Variants in PRSS50 observed in about 807,000 individuals in gnomAD.
PRSS50 encodes probable threonine protease PRSS50.
Under a neutral mutation model 34.2 loss-of-function variants are expected in PRSS50, and 23 were observed. The ratio of observed to expected loss-of-function variants is 0.67; its 90% CI spans 0.48 to 0.95. PRSS50 has a LOEUF of 0.95. PRSS50 is among the 40% of genes least tolerant of loss of function. PRSS50 has a pLI of 0.00. For synonymous variants in PRSS50, 224 were observed against 211.2 expected (o/e 1.06, Z -0.53); for missense variants, 484 against 513.4 (o/e 0.94, Z 0.55).
rs1700663455 is a variant in PRSS50 at position 46,715,190 on chromosome 3, A to G, written c.470+345T>C. ...AAGAAGTGTCAGAGACGGTTGATTG[A>G]AGGGAGGAACAAGGATGTGGGTGCA... is the stretch of plus-strand genomic sequence containing the variant. On this transcript the variant is annotated intron_variant, in intron 3 of 5. Transcript: ENST00000315170. The surrounding 1 kb of genome is among the most constrained non-coding windows in gnomAD (Gnocchi z 5.2). Among the ~76,000 whole-genome samples the G allele has an allele frequency of 6.6e-6, 1 of 152,198 alleles. No homozygotes were observed. The highest frequency in any genetic ancestry group is 1.5e-5 in the Non-Finnish European group (1 of 68,026).
At position 46,716,958 on chromosome 3, in the gene PRSS50, A is replaced by G. The variant is rs1700691974; in HGVS notation, c.307+479T>C. 6.6e-6 allele frequency among the ~76,000 whole-genome samples: 1 copy of G among 152,192 alleles called. No individual in the cohort carries two copies. Among genetic ancestry groups the G allele is most frequent in the South Asian group, 2.1e-4 (1 of 4,828 alleles). On this transcript the variant is annotated intron_variant, in intron 2 of 5. Transcript: ENST00000315170. This position sits in a 1 kb window ranked among gnomAD's most constrained non-coding sequence, Gnocchi z 4.4. ...TCCCAGTCTTATGTGGGTCTGTTAA[A>G]CATGCCTGAAAGCCACTGGGCAAGA... is the stretch of plus-strand genomic sequence containing the variant.
chr3:46,712,188 C>T lies in PRSS50; in HGVS notation c.*58G>A, dbSNP rs890700318. 7 of 1,440,754 alleles carry T rather than the reference C, an allele frequency of 4.9e-6. No homozygotes were observed. The African/African-American group carries it at 8.4e-5, about 17-fold the overall frequency. 89.2% of individuals were successfully genotyped at this position (1,440,754 alleles called of 1,614,324 possible). On this transcript the variant is annotated 3_prime_UTR_variant, in exon 6 of 6. Transcript: ENST00000315170. ...CTCTCAGGGCTGTGACAGCTGCACC[C>T]ACAGCAACCTGGGCACGGAGGCAAG...
chr3:46,716,988 G>A lies in PRSS50; in HGVS notation c.307+449C>T, dbSNP rs924597201. ...CCTGAAAGCCACTGGGCAAGAGAAC[G>A]TCTTACGTGTGCACCCTGGAGACAC... On this transcript the variant is annotated intron_variant, in intron 2 of 5. Coordinates refer to ENST00000315170, the MANE Select transcript of PRSS50 (RefSeq NM_013270.5). This position sits in a 1 kb window ranked among gnomAD's most constrained non-coding sequence, Gnocchi z 4.4. Among the ~76,000 whole-genome samples, 1 of 152,236 alleles carries A rather than the reference G, an allele frequency of 6.6e-6. No homozygotes were observed. Among genetic ancestry groups the A allele is most frequent in the Admixed American group, 6.5e-5 (1 of 15,288 alleles).
At position 46,714,475 on chromosome 3, in the gene PRSS50, A is replaced by C. The variant is rs765957342; in HGVS notation, c.497T>G (p.Val166Gly). The change falls in exon 4 of 6, where the codon GTG (valine) becomes GGG (glycine). Residue 166 changes from valine to glycine, a missense_variant. By Grantham distance (109) the Val-to-Gly change is moderately radical. Coordinates refer to ENST00000315170, the MANE Select transcript of PRSS50 (RefSeq NM_013270.5). ...CATCTGGTCAATCCACGGACTCCCCACCCTCACTGAGTAGATAACATCACG... is the reference window on the plus strand; with the variant it reads ...CATCTGGTCAATCCACGGACTCCCCCCCCTCACTGAGTAGATAACATCACG... ...IWRDVIYSVR[V>G]GSPWIDQMTQ... 8 of 1,602,206 alleles carry C rather than the reference A, an allele frequency of 5.0e-6. No homozygotes were observed. Among genetic ancestry groups the C allele is most frequent in the Non-Finnish European group, 6.0e-6 (7 of 1,175,678 alleles).
At position 46,716,916 on chromosome 3, in the gene PRSS50, A is replaced by G. The variant is rs898223651; in HGVS notation, c.307+521T>C. 6.6e-6 allele frequency among the ~76,000 whole-genome samples: 1 copy of G among 152,222 alleles called. No individual in the cohort carries two copies. Among genetic ancestry groups the G allele is most frequent in the Non-Finnish European group, 1.5e-5 (1 of 68,032 alleles). The stretch of plus-strand genomic sequence containing the variant: ...GTTTGGGTGACTTTCTGTGGCAGTT[A>G]AATGCTATGTGCTGAGTCCCAGTCT... On this transcript the variant is annotated intron_variant, in intron 2 of 5. Coordinates refer to ENST00000315170, the MANE Select transcript of PRSS50 (RefSeq NM_013270.5). The surrounding 1 kb of genome is among the most constrained non-coding windows in gnomAD (Gnocchi z 4.4).
At position 46,715,058 on chromosome 3, in the gene PRSS50, C is replaced by T. The variant is rs1253162727; in HGVS notation, c.470+477G>A. The stretch of plus-strand genomic sequence containing the variant: ...ACTCCCTCTTTTGTCCCCACACCAA[C>T]CAGGCACCCTTGTGAGCATCTATCT... On this transcript the variant is annotated intron_variant, in intron 3 of 5. Transcript: ENST00000315170. This position sits in a 1 kb window ranked among gnomAD's most constrained non-coding sequence, Gnocchi z 5.2. Among the ~76,000 whole-genome samples the T allele has an allele frequency of 6.6e-6, 1 of 152,250 alleles. No homozygotes were observed.
chr3:46,715,510 C>A lies in PRSS50; in HGVS notation c.470+25G>T, dbSNP rs781744794. ...ACAGCAGCTCCAAATACCTCTCCACCCACCCCACCTCAGCCTTGACTCACC... is the reference window on the plus strand; with the variant it reads ...ACAGCAGCTCCAAATACCTCTCCACACACCCCACCTCAGCCTTGACTCACC... On this transcript the variant is annotated intron_variant, in intron 3 of 5. Coordinates refer to ENST00000315170, the MANE Select transcript of PRSS50 (RefSeq NM_013270.5). This position sits in a 1 kb window ranked among gnomAD's most constrained non-coding sequence, Gnocchi z 5.2. 19 of 1,597,908 alleles carry A rather than the reference C, an allele frequency of 1.2e-5. No homozygotes were observed. The highest frequency in any genetic ancestry group is 1.5e-5 in the Non-Finnish European group (18 of 1,167,012).
In PRSS50 at chr3:46,715,459, C is replaced by A; in HGVS notation, c.470+76G>T. On this transcript the variant is annotated intron_variant, in intron 3 of 5. Transcript: ENST00000315170. The surrounding 1 kb of genome is among the most constrained non-coding windows in gnomAD (Gnocchi z 5.2). ...GGCTGGGACTGTGGGCCCAGAACAG[C>A]TGGCAGGGAGGGGATGACTGGGCCC... 6.5e-7 allele frequency: 1 copy of A among 1,547,666 alleles called. No individual in the cohort carries two copies. Among genetic ancestry groups the A allele is most frequent in the East Asian group, 2.3e-5 (1 of 43,744 alleles).
chr3:46,712,533 A>T (rs1312414857), intron 5 of PRSS50, 51 bp from the exon 6 acceptor site: 1 of 1,553,718 alleles, frequency 6.4e-7, no homozygotes, highest in Admixed American at 1.7e-5. Context: ...GCAAGGCCAG[A>T]GACGACCCAG....
Position 46,717,431 on chromosome 3 carries a change from A to C in PRSS50, c.307+6T>G. On this transcript the variant is annotated splice_donor_region_variant and intron_variant, in intron 2 of 5. Transcript: ENST00000315170. This position sits in a 1 kb window ranked among gnomAD's most constrained non-coding sequence, Gnocchi z 4.5. ...GCCCCACGGAGTCTACACCCCTGGT[A>C]CTCACAGCGGTATGGGTCGACTTTG... The C allele has an allele frequency of 1.2e-6, 2 of 1,613,600 alleles. No homozygotes were observed. The highest frequency in any genetic ancestry group is 1.7e-6 in the Non-Finnish European group (2 of 1,179,862).
chr3:46,712,831 C>T (rs934392648), intron 5 of PRSS50, 70 bp downstream of exon 5: 44 of 1,550,146 alleles, frequency 2.8e-5, no homozygotes, highest in South Asian at 3.5e-5. Context: ...TCCACCGTTC[C>T]GCTCTCCCTC....
In PRSS50 at chr3:46,717,568, C is replaced by T. The variant is rs1267394410; in HGVS notation, c.176G>A (p.Cys59Tyr). ...TADPADQSVQ[C>Y]VPKATCPSSR... is the part of the protein sequence containing the mutation. The stretch of plus-strand genomic sequence containing the variant: ...GGAAGGACAGGTGGCCTTGGGGACA[C>T]ACTGGACGCTCTGGTCGGCGGGATC... The change falls in exon 2 of 6, where the codon TGT becomes TAT. Residue 59 changes from cysteine to tyrosine, a missense_variant. Coordinates refer to ENST00000315170, the MANE Select transcript of PRSS50 (RefSeq NM_013270.5). This position sits in a 1 kb window ranked among gnomAD's most constrained non-coding sequence, Gnocchi z 4.5. 6.2e-7 allele frequency: 1 copy of T among 1,613,774 alleles called. No homozygotes were observed. The highest frequency in any genetic ancestry group is 1.7e-5 in the Admixed American group (1 of 60,028).
At position 46,715,812 on chromosome 3, in the gene PRSS50, CT is replaced by C; in HGVS notation, c.308-116del. On this transcript the variant is annotated intron_variant, in intron 2 of 5. Coordinates refer to ENST00000315170, the MANE Select transcript of PRSS50 (RefSeq NM_013270.5). This position sits in a 1 kb window ranked among gnomAD's most constrained non-coding sequence, Gnocchi z 5.2. ...GCCTGCACCCATCCAGGGGTGCTCC[CT>C]TTTCACCTGTCACCATGGAATGATG... 2 of 1,136,020 alleles carry C rather than the reference CT, an allele frequency of 1.8e-6. No individual in the cohort carries two copies. The highest frequency in any genetic ancestry group is 2.5e-6 in the Non-Finnish European group (2 of 808,450). 70.4% of individuals were successfully genotyped at this position (1,136,020 alleles called of 1,614,324 possible). A position where few individuals can be genotyped will look rare whatever the true frequency, so the allele number is the denominator to read the frequency against.
rs143911001 is a variant in PRSS50 at position 46,717,585 on chromosome 3, G to T, written c.159C>A (p.Ala53=). 6.2e-7 allele frequency: 1 copy of T among 1,613,572 alleles called. No individual in the cohort carries two copies. Among genetic ancestry groups the T allele is most frequent in the Non-Finnish European group, 8.5e-7 (1 of 1,179,902 alleles). The part of the protein sequence containing the change: ...APGALSTADP[A]DQSVQCVPKA... ...TGGGGACACACTGGACGCTCTGGTCGGCGGGATCAGCAGTGGACAGCGCCC... is the reference window on the plus strand; with the variant it reads ...TGGGGACACACTGGACGCTCTGGTCTGCGGGATCAGCAGTGGACAGCGCCC... Residue 53 remains alanine, a synonymous_variant, in exon 2 of 6, where the codon GCC becomes GCA. Transcript: ENST00000315170. This position sits in a 1 kb window ranked among gnomAD's most constrained non-coding sequence, Gnocchi z 4.5.
In PRSS50 at chr3:46,712,299, T is replaced by C. The variant is rs950784745; in HGVS notation, c.1105A>G (p.Arg369Gly). The C allele has an allele frequency of 6.2e-7, 1 of 1,613,244 alleles. No homozygotes were observed. The highest frequency in any genetic ancestry group is 8.5e-7 in the Non-Finnish European group (1 of 1,179,702). ...GQALALPAPS[R>G]TLLLALPLPL... ...AGTGGGAGTGCCAGGAGCAGGGTCC[T>C]GGATGGGGCTGGCAGGGCCAGGGCC... The change falls in exon 6 of 6, where the codon AGG (arginine) becomes GGG (glycine). Residue 369 changes from arginine to glycine, a missense_variant. By Grantham distance (125) the Arg-to-Gly change is moderately radical. Coordinates refer to ENST00000315170, the MANE Select transcript of PRSS50 (RefSeq NM_013270.5).
In PRSS50 at chr3:46,715,610, G is replaced by T. The variant is rs778433387; in HGVS notation, c.395C>A (p.Ala132Asp). Reference sequence around the variant, plus strand: ...GCCGGCACAGATGTGTGTGCCATTGGCCCGCACGCTGACCATCCAGGGCCA... The same window carrying T: ...GCCGGCACAGATGTGTGTGCCATTGTCCCGCACGCTGACCATCCAGGGCCA... Reference protein sequence around the residue: ...RRWPWMVSVRANGTHICAGTI... With the variant: ...RRWPWMVSVRDNGTHICAGTI... The change falls in exon 3 of 6, where the codon GCC becomes GAC. Residue 132 changes from alanine to aspartate, a missense_variant. By Grantham distance (126) the Ala-to-Asp change is moderately radical (BLOSUM62 -2). Coordinates refer to ENST00000315170, the MANE Select transcript of PRSS50 (RefSeq NM_013270.5). This position sits in a 1 kb window ranked among gnomAD's most constrained non-coding sequence, Gnocchi z 5.2. 3.3e-5 allele frequency: 53 copies of T among 1,613,310 alleles called. No homozygotes were observed. In the South Asian group the frequency reaches 5.3e-4, roughly 16 times the overall value.
In PRSS50 at chr3:46,714,487, T is replaced by C. The variant is rs755916789; in HGVS notation, c.485A>G (p.Tyr162Cys). The change falls in exon 4 of 6, where the codon TAC becomes TGC. Residue 162 changes from tyrosine to cysteine, a missense_variant. Tyr to Cys is a radical substitution (Grantham distance 194). Coordinates refer to ENST00000315170, the MANE Select transcript of PRSS50 (RefSeq NM_013270.5). ...CCACGGACTCCCCACCCTCACTGAG[T>C]AGATAACATCACGCCTAGGGGGGCC... ...AHCLIWRDVI[Y>C]SVRVGSPWID... The C allele has an allele frequency of 6.3e-7, 1 of 1,598,056 alleles. No homozygotes were observed. Among genetic ancestry groups the C allele is most frequent in the South Asian group, 1.1e-5 (1 of 89,012 alleles).
intron 4 of PRSS50, 114 bp downstream of exon 4, chr3:46,714,104 C>T (rs187673796): frequency 4.4e-5 from 60 of 1,363,684 alleles, no homozygotes; most frequent in Middle Eastern, 2.5e-4. Context: ...GTCCCGGGAG[C>T]GGCAGGCTCC....
At chr3:46,714,525 C>T (rs1339863647) in intron 3 of PRSS50, 24 bp from the exon 4 acceptor site, 2 of 1,539,784 alleles carry the variant, frequency 1.3e-6, no homozygotes. Context: ...GAGGGGAGGC[C>T]ATGATCAGCT....
Sources: gnomAD v4.1 joint callset for allele counts (sites outside exome capture counted in the v4.1 genomes callset) on GRCh38, gnomAD v4.1.1 for gene constraint, Gnocchi (gnomAD v3.1) non-coding constraint, MANE v1.5 for transcripts, NCBI Gene and HGNC (gene_info 2026-07-23, HGNC 2026-07-21) for gene names.